The following QTMAN variants were observed in gnomAD, a reference collection of about 807,000 sequenced individuals.
The protein encoded by QTMAN is queuosine-tRNA mannosyltransferase.
chr2:144,200,839 T>C, the QTMAN span, among the ~76,000 whole-genome samples: 1 of 152,204 alleles, frequency 6.6e-6, no homozygotes, highest in Non-Finnish European at 1.5e-5. Flanking sequence ...AGCCCTTAAG[T>C]GACTTGTTTC....
the QTMAN span, among the ~76,000 whole-genome samples, chr2:143,958,943 A>G: frequency 3.9e-5 from 6 of 151,964 alleles, no homozygotes; most frequent in South Asian, 4.1e-4. Context: ...CTTATCATCA[A>G]TTGTGCAGTG....
At chr2:144,147,632 T>C in the QTMAN span, among the ~76,000 whole-genome samples, 1 of 151,838 alleles carries the variant, frequency 6.6e-6, no homozygotes, top group Non-Finnish European at 1.5e-5. Flanking sequence ...ACGCCCATTC[T>C]TAATCATTAT....
chr2:144,292,031 T>C, the QTMAN span, among the ~76,000 whole-genome samples: 2 of 152,206 alleles, frequency 1.3e-5, no homozygotes, highest in African/African-American at 4.8e-5. Flanking sequence ...CACAAGACCT[T>C]GGGCAAGTCA....
chr2:144,146,433 G>A, the QTMAN span, among the ~76,000 whole-genome samples: 4,911 of 151,174 alleles, frequency 0.032, 192 homozygotes, highest in East Asian at 0.18. Flanking sequence ...AGGGAAAAAG[G>A]GAAACTGAAA....
At chr2:144,138,194 T>C in the QTMAN span, among the ~76,000 whole-genome samples, 2 of 152,062 alleles carry the variant, frequency 1.3e-5, no homozygotes, top group African/African-American at 4.8e-5. Context: ...GAATGTGTCA[T>C]GGTGTGTCAA....
At chr2:144,054,049 G>A in the QTMAN span, among the ~76,000 whole-genome samples, 7 of 152,036 alleles carry the variant, frequency 4.6e-5, no homozygotes, top group East Asian at 1.9e-4. Context: ...TTAGCCGGGC[G>A]GGGTGGTGGG....
At chr2:144,262,413 T>C in the QTMAN span, among the ~76,000 whole-genome samples, 1 of 151,132 alleles carries the variant, frequency 6.6e-6, no homozygotes, top group African/African-American at 2.4e-5. Flanking sequence ...AAATTAAAAA[T>C]TAAAAAATAA....
chr2:143,986,664 A>C, the QTMAN span, among the ~76,000 whole-genome samples: 1 of 152,216 alleles, frequency 6.6e-6, no homozygotes, highest in Non-Finnish European at 1.5e-5. Flanking sequence ...GATAGGTGAA[A>C]ATTCCCTTTT....
At chr2:143,987,801 G>C in the QTMAN span, among the ~76,000 whole-genome samples, 3 of 152,146 alleles carry the variant, frequency 2.0e-5, no homozygotes, top group Admixed American at 6.6e-5. Context: ...AAAATCCTGA[G>C]GCTGAGTTCT....
At chr2:143,960,050 AAT>A in the QTMAN span, among the ~76,000 whole-genome samples, 6 of 152,152 alleles carry the variant, frequency 3.9e-5, no homozygotes, top group African/African-American at 1.4e-4. Flanking sequence ...TTCAATTATA[AAT>A]ATGTCTACAT....
At chr2:144,185,177 C>T in the QTMAN span, among the ~76,000 whole-genome samples, 1 of 152,190 alleles carries the variant, frequency 6.6e-6, no homozygotes, top group Non-Finnish European at 1.5e-5. Flanking sequence ...GGATTAACTT[C>T]ACCTTCACAA....
chr2:143,974,054 C>T, the QTMAN span, among the ~76,000 whole-genome samples: 1 of 152,262 alleles, frequency 6.6e-6, no homozygotes, highest in East Asian at 1.9e-4. Flanking sequence ...GTGAAACTCT[C>T]ATACATATGA....
At chr2:143,993,321 G>A in the QTMAN span, among the ~76,000 whole-genome samples, 1 of 151,538 alleles carries the variant, frequency 6.6e-6, no homozygotes, top group African/African-American at 2.4e-5. Context: ...CATGGTGCTT[G>A]CATAAGCTTG....
At chr2:144,024,160 C>A in the QTMAN span, among the ~76,000 whole-genome samples, 1 of 151,906 alleles carries the variant, frequency 6.6e-6, no homozygotes, top group African/African-American at 2.4e-5. Flanking sequence ...GAATTATGGG[C>A]AACAAATCAA....
the QTMAN span, among the ~76,000 whole-genome samples, chr2:144,020,341 C>A: frequency 1.3e-5 from 2 of 152,126 alleles, no homozygotes; most frequent in Non-Finnish European, 2.9e-5. Flanking sequence ...GACACACAGG[C>A]GGCTGAATAT....
the QTMAN span, among the ~76,000 whole-genome samples, chr2:144,260,734 T>C: frequency 2.6e-5 from 4 of 151,890 alleles, no homozygotes; most frequent in Non-Finnish European, 5.9e-5. Context: ...ACATGAAACA[T>C]GTTATGTTCT....
the QTMAN span, among the ~76,000 whole-genome samples, chr2:144,033,426 T>C: frequency 1.3e-5 from 2 of 152,182 alleles, no homozygotes; most frequent in Admixed American, 1.3e-4. Flanking sequence ...AACAGTCCAA[T>C]GGAAGAGATG....
chr2:144,039,731 G>A, the QTMAN span, among the ~76,000 whole-genome samples: 1 of 152,112 alleles, frequency 6.6e-6, no homozygotes, highest in East Asian at 1.9e-4. Context: ...TTAAGTAGAG[G>A]TTTACAGGGA....
At chr2:144,329,970 A>G in the QTMAN span, among the ~76,000 whole-genome samples, 1 of 152,260 alleles carries the variant, frequency 6.6e-6, no homozygotes, top group African/African-American at 2.4e-5. Flanking sequence ...GCACAGGCCA[A>G]CAAGTATTTA....
Sources: gnomAD v4.1 joint callset for allele counts (sites outside exome capture counted in the v4.1 genomes callset) on GRCh38, gnomAD v4.1.1 for gene constraint, MANE v1.5 for transcripts, NCBI Gene and HGNC (gene_info 2026-07-23, HGNC 2026-07-21) for gene names.